COA1: variants seen among roughly 807,000 people sequenced by gnomAD.
COA1 encodes cytochrome c oxidase assembly factor 1.
COA1 carries 13 observed loss-of-function variants against 16.0 expected under a neutral mutation model. That is an observed-to-expected ratio of 0.81 (90% confidence interval 0.53 to 1.29). The LOEUF (loss-of-function observed/expected upper bound fraction) is 1.29. Ranked by LOEUF, COA1 falls within the 50% of genes most tolerant of loss-of-function variation. The pLI is 0.00. For missense variants in COA1, 179 were observed against 177.0 expected (o/e 1.01, Z -0.06); for synonymous variants, 65 against 65.7 (o/e 0.99, Z 0.05).
intron 6 of COA1, among the ~76,000 whole-genome samples, chr7:43,615,036 G>C (rs1330883344): frequency 6.6e-6 from 1 of 152,128 alleles, no homozygotes; most frequent in Non-Finnish European, 1.5e-5. Flanking sequence ...TTCCCTAGCA[G>C]TATTTCACCT....
rs570537720 is a variant in COA1 at position 43,611,647 on chromosome 7, C to G, written c.*134-2152G>C. On this transcript the variant is annotated intron_variant and NMD_transcript_variant, in intron 6 of 6. Transcript: ENST00000415076. ...ACATTTACAAGGAAGATATGGCCTCCGCAGTACGGACTTTCACTGGGCTAA... is the reference window on the plus strand; with the variant it reads ...ACATTTACAAGGAAGATATGGCCTCGGCAGTACGGACTTTCACTGGGCTAA... 2.6e-5 allele frequency among the ~76,000 whole-genome samples: 4 copies of G among 152,280 alleles called. No individual in the cohort carries two copies. The East Asian group carries it at 7.7e-4, about 29-fold the overall frequency.
At chr7:43,624,794 A>AT in intron 6 of COA1, 1 of 1,610,288 alleles carries the variant, frequency 6.2e-7, no homozygotes, top group Non-Finnish European at 8.5e-7. Flanking sequence ...AACGATTTAA[A>AT]TTTGAGGAAC....
intron 1 of COA1, among the ~76,000 whole-genome samples, chr7:43,688,147 T>C (rs146023559): frequency 1.3e-5 from 2 of 152,346 alleles, no homozygotes; most frequent in Admixed American, 1.3e-4. Context: ...CCTCTTTTTG[T>C]TCCAAGTTTT....
At chr7:43,725,238 C>CA (rs145651296) in intron 1 of COA1, among the ~76,000 whole-genome samples, 131 of 118,752 alleles carry the variant, frequency 1.1e-3, no homozygotes, top group East Asian at 2.3e-3. Flanking sequence ...AACTCCATCT[C>CA]AAAAAAAAAA....
At chr7:43,674,223 A>G (rs752575510) in intron 1 of COA1, among the ~76,000 whole-genome samples, 2 of 152,230 alleles carry the variant, frequency 1.3e-5, no homozygotes, top group African/African-American at 2.4e-5. Flanking sequence ...CCCCCACCCA[A>G]TAGCTCCAAC....
intron 1 of COA1, among the ~76,000 whole-genome samples, chr7:43,697,039 G>A (rs745498148): frequency 4.8e-4 from 72 of 151,544 alleles, no homozygotes; most frequent in Non-Finnish European, 8.1e-4. Context: ...CAGGAGAATC[G>A]CTTGAACCCA....
chr7:43,641,563 GTTTTAAAGAGGGACCTA>G (rs927566571), intron 4 of COA1: 1 of 152,106 alleles, frequency 6.6e-6, no homozygotes, highest in African/African-American at 2.4e-5. Context: ...AAAATTCACT[GTTTTAAAGAGGGACCTA>G]TTGCCAGGAA....
rs990269912 is a variant in COA1 at position 43,623,478 on chromosome 7, C to T, written c.*134-13983G>A. The T allele has an allele frequency of 6.2e-5, 64 of 1,026,286 alleles. No individual in the cohort carries two copies. The South Asian group carries it at 8.8e-4, about 14-fold the overall frequency. The allele number at this position is 1,026,286 out of a possible 1,614,324, so 63.6% of individuals were successfully genotyped here. A position where few individuals can be genotyped will look rare whatever the true frequency, so the allele number is the denominator to read the frequency against. On this transcript the variant is annotated intron_variant and NMD_transcript_variant, in intron 6 of 6. Coordinates refer to the COA1 transcript ENST00000415076. The stretch of plus-strand genomic sequence containing the variant: ...TTTTAGCCCAAACGTTGGATAGTGC[C>T]TTATAGTTTCTAATGCTTAGTTTTT...
chr7:43,671,790 G>A (rs777166415), intron 1 of COA1, among the ~76,000 whole-genome samples: 46 of 152,096 alleles, frequency 3.0e-4, no homozygotes, highest in African/African-American at 5.6e-4. Context: ...TGCTGTTCTC[G>A]TGATAGTGAG....
intron 6 of COA1, among the ~76,000 whole-genome samples, chr7:43,611,654 C>T (rs189686635): frequency 8.2e-4 from 125 of 152,288 alleles, no homozygotes; most frequent in South Asian, 1.5e-3. Flanking sequence ...CTCCGCAGTA[C>T]GGACTTTCAC....
At chr7:43,681,190 A>G (rs1198336951) in intron 1 of COA1, among the ~76,000 whole-genome samples, 1 of 152,206 alleles carries the variant, frequency 6.6e-6, no homozygotes, top group Non-Finnish European at 1.5e-5. Context: ...TTCATCGTAT[A>G]TAGGATTGAC....
At chr7:43,662,578 C>A (rs1009041098) in intron 1 of COA1, among the ~76,000 whole-genome samples, 37 of 152,210 alleles carry the variant, frequency 2.4e-4, no homozygotes, top group Admixed American at 5.2e-4. Context: ...AGATTGAATG[C>A]AGAAGCAGGT....
intron 6 of COA1, among the ~76,000 whole-genome samples, chr7:43,630,102 C>T (rs187659009): frequency 3.9e-5 from 6 of 152,214 alleles, no homozygotes; most frequent in Admixed American, 1.3e-4. Flanking sequence ...CGCGGGTGAA[C>T]AGTTGTGACA....
At chr7:43,729,244 A>C (rs1178636836) in intron 1 of COA1, among the ~76,000 whole-genome samples, 185 bp downstream of exon 1, 1 of 152,232 alleles carries the variant, frequency 6.6e-6, no homozygotes, top group African/African-American at 2.4e-5. Context: ...GAAGGTTACC[A>C]GGTGCCAAAG....
At chr7:43,688,023 C>T (rs1367244998) in intron 1 of COA1, among the ~76,000 whole-genome samples, 9 of 152,156 alleles carry the variant, frequency 5.9e-5, no homozygotes, top group African/African-American at 1.9e-4. Flanking sequence ...CAGGGGTTTC[C>T]GCTTTTGCTT....
intron 1 of COA1, among the ~76,000 whole-genome samples, chr7:43,672,021 A>G (rs1435216696): frequency 6.6e-6 from 1 of 152,140 alleles, no homozygotes; most frequent in Non-Finnish European, 1.5e-5. Flanking sequence ...CTAATACACT[A>G]TGCATCCAAC....
intron 1 of COA1, among the ~76,000 whole-genome samples, chr7:43,725,297 A>G (rs997122705): frequency 6.6e-6 from 1 of 152,208 alleles, no homozygotes; most frequent in African/African-American, 2.4e-5. Context: ...TTATGGTTAC[A>G]CAACAATGTT....
In COA1 at chr7:43,623,516, C is replaced by T. The variant is rs2084143128; in HGVS notation, c.*134-14021G>A. ...ATGCTTAGTTTTTTATCTCTTAGAG[C>T]AAATTAGGAATTTTTTTCCACAAAA... On this transcript the variant is annotated intron_variant and NMD_transcript_variant, in intron 6 of 6. Transcript: ENST00000415076. 2.7e-6 allele frequency: 4 copies of T among 1,500,334 alleles called. No homozygotes were observed. The South Asian group carries it at 4.7e-5, about 18-fold the overall frequency. The allele number at this position is 1,500,334 out of a possible 1,614,324, so 92.9% of individuals were successfully genotyped here.
At chr7:43,727,977 CT>C (rs201576823) in intron 1 of COA1, among the ~76,000 whole-genome samples, 20,513 of 139,800 alleles carry the variant, frequency 0.15, 1,693 homozygotes, top group Non-Finnish European at 0.21. Context: ...GGTTTTCTTT[CT>C]TTTTTTTTTT....
Sources: gnomAD v4.1 joint callset for allele counts (sites outside exome capture counted in the v4.1 genomes callset) on GRCh38, gnomAD v4.1.1 for gene constraint, MANE v1.5 for transcripts, NCBI Gene and HGNC (gene_info 2026-07-23, HGNC 2026-07-21) for gene names.